The following MTUS1 variants were observed in gnomAD, a reference collection of about 807,000 sequenced individuals.
MTUS1 encodes the protein microtubule-associated tumor suppressor 1.
Under a neutral mutation model 120.8 loss-of-function variants are expected in MTUS1, and 109 were observed. The observed-to-expected ratio is 0.90, with a 90% CI of 0.77 to 1.06. The LOEUF is 1.06. Among genes scored for constraint, MTUS1 ranks in the 50% least tolerant of loss-of-function variants. The pLI is 0.00. For synonymous variants in MTUS1, 737 were observed against 550.5 expected (o/e 1.34, Z -4.74); for missense variants, 2,210 against 1,486.3 (o/e 1.49, Z -8.01).
intron 8 of MTUS1, among the ~76,000 whole-genome samples, chr8:17,662,690 A>G (rs1810021707): frequency 6.6e-6 from 1 of 151,950 alleles, no homozygotes; most frequent in Non-Finnish European, 1.5e-5. Flanking sequence ...CTATTTTTTA[A>G]AAAAGCACAT....
intron 1 of MTUS1, among the ~76,000 whole-genome samples, chr8:17,771,867 T>C (rs2050049326): frequency 1.3e-5 from 2 of 152,306 alleles, no homozygotes; most frequent in African/African-American, 4.8e-5. Context: ...AAAACTGAGA[T>C]CTAGAGAAAA....
chr8:17,668,914 T>C (rs1811456267), intron 8 of MTUS1, among the ~76,000 whole-genome samples: 4 of 152,332 alleles, frequency 2.6e-5, no homozygotes, highest in South Asian at 2.1e-4. Flanking sequence ...AAACGGTTTA[T>C]AGAAAAACAT....
At chr8:17,693,492 G>A (rs142874620) in intron 6 of MTUS1, among the ~76,000 whole-genome samples, 17 of 152,152 alleles carry the variant, frequency 1.1e-4, no homozygotes, top group African/African-American at 2.4e-4. Flanking sequence ...TATTCTGGCC[G>A]GATCTCTACA....
intron 6 of MTUS1, among the ~76,000 whole-genome samples, chr8:17,687,394 T>C (rs571821060): frequency 1.3e-5 from 2 of 152,182 alleles, no homozygotes; most frequent in Non-Finnish European, 2.9e-5. Context: ...TACTTCACAG[T>C]ACTGAAAAGC....
intron 3 of MTUS1, among the ~76,000 whole-genome samples, chr8:17,729,242 G>A (rs1400906472): frequency 1.3e-5 from 2 of 152,130 alleles, no homozygotes; most frequent in East Asian, 3.8e-4. Flanking sequence ...TGACAAACAA[G>A]TTAACAAGTT....
rs1805570369 is a variant in MTUS1, at chr8:17,645,376, G to A, written c.*550C>T. 1 of 152,400 alleles carries A rather than the reference G, an allele frequency of 6.6e-6. No homozygotes were observed. Among genetic ancestry groups the A allele is most frequent in the African/African-American group, 2.4e-5 (1 of 41,376 alleles). The allele number at this position is 152,400 out of a possible 1,614,324, so 9.4% of individuals were successfully genotyped here. A position where few individuals can be genotyped will look rare whatever the true frequency, so the allele number is the denominator to read the frequency against. ...TATTGCTTTTTCTTCTATGGCTTTG[G>A]CTGAAATGTATATGCTGATTGATTG... is the stretch of plus-strand genomic sequence containing the variant. On this transcript the variant is annotated 3_prime_UTR_variant, in exon 15 of 15. Coordinates refer to ENST00000693296, the MANE Select transcript of MTUS1 (RefSeq NM_001363059.2).
intron 3 of MTUS1, among the ~76,000 whole-genome samples, chr8:17,733,304 T>A (rs2046716570): frequency 6.6e-6 from 1 of 150,466 alleles, no homozygotes; most frequent in African/African-American, 2.5e-5. Flanking sequence ...TGAGCCAAGA[T>A]CATGCCATTG....
chr8:17,685,835 A>G (rs943982583), intron 6 of MTUS1, among the ~76,000 whole-genome samples: 5 of 152,196 alleles, frequency 3.3e-5, no homozygotes, highest in African/African-American at 1.2e-4. Flanking sequence ...TGATGAGAGG[A>G]AGTATTTATC....
At chr8:17,661,674 G>GGCC (rs57262372) in intron 8 of MTUS1, among the ~76,000 whole-genome samples, 1 of 151,550 alleles carries the variant, frequency 6.6e-6, no homozygotes, top group African/African-American at 2.4e-5. Flanking sequence ...CTGACGTTTT[G>GGCC]ATAAGTGAGG....
chr8:17,683,347 TTC>T (rs1815028996), intron 7 of MTUS1, among the ~76,000 whole-genome samples: 1 of 152,092 alleles, frequency 6.6e-6, no homozygotes, highest in East Asian at 1.9e-4. Flanking sequence ...TCTCATCCAC[TTC>T]TCTCTCTCCC....
chr8:17,767,317 T>G (rs1048037759), intron 1 of MTUS1, among the ~76,000 whole-genome samples: 3 of 151,836 alleles, frequency 2.0e-5, no homozygotes, highest in African/African-American at 4.8e-5. Context: ...GATAAGGAAT[T>G]TGGGGCCAAT....
At chr8:17,697,168 G>A in intron 6 of MTUS1, 6 of 1,452,642 alleles carry the variant, frequency 4.1e-6, no homozygotes, top group Non-Finnish European at 5.5e-6. Context: ...CCAATTATCT[G>A]TCTCCTTGGA....
intron 3 of MTUS1, among the ~76,000 whole-genome samples, chr8:17,742,300 T>G (rs867643624): frequency 1.2e-4 from 18 of 144,738 alleles, no homozygotes; most frequent in Admixed American, 4.1e-4. Flanking sequence ...TGTTTTTTTT[T>G]TTTTTTTTTT....
chr8:17,747,569 T>C lies in MTUS1; in HGVS notation c.2092-3770A>G, dbSNP rs573716176. Among the ~76,000 whole-genome samples, 10 of 152,322 alleles carry C rather than the reference T, an allele frequency of 6.6e-5. No homozygotes were observed. The South Asian group carries it at 2.1e-3, about 32-fold the overall frequency. ...ACCCACAGCCTAAAGTGAGAACTTC[T>C]AAACCTGTTTGCCCACTCTCTCCTA... On this transcript the variant is annotated intron_variant, in intron 2 of 14. Coordinates refer to ENST00000693296, the MANE Select transcript of MTUS1 (RefSeq NM_001363059.2).
At chr8:17,674,430 A>T in intron 8 of MTUS1, 1 of 971,372 alleles carries the variant, frequency 1.0e-6, no homozygotes, top group Non-Finnish European at 1.2e-6. Context: ...AAAAAAAAAG[A>T]AAAAGAAACA....
chr8:17,653,053 T>C, intron 12 of MTUS1, 133 bp downstream of exon 12: 1 of 604,664 alleles, frequency 1.7e-6, no homozygotes, highest in Non-Finnish European at 2.9e-6. Flanking sequence ...TTACACACCT[T>C]AGAAAGCACA....
At chr8:17,663,949 G>A (rs1167826374) in intron 8 of MTUS1, 1 of 152,218 alleles carries the variant, frequency 6.6e-6, no homozygotes, top group Non-Finnish European at 1.5e-5. Flanking sequence ...CCCTTCTCTA[G>A]AAGATGAAAT....
chr8:17,672,031 T>C (rs569765372), intron 8 of MTUS1, among the ~76,000 whole-genome samples: 1 of 152,268 alleles, frequency 6.6e-6, no homozygotes, highest in Admixed American at 6.5e-5. Context: ...TAGGAGTGGA[T>C]GGACAAAAAC....
chr8:17,692,576 G>A (rs765528269), intron 6 of MTUS1, among the ~76,000 whole-genome samples: 4 of 152,064 alleles, frequency 2.6e-5, no homozygotes, highest in Admixed American at 6.6e-5. Flanking sequence ...TTAAACAAAC[G>A]CATTCACATT....
Sources: gnomAD v4.1 joint callset for allele counts (sites outside exome capture counted in the v4.1 genomes callset) on GRCh38, gnomAD v4.1.1 for gene constraint, MANE v1.5 for transcripts, NCBI Gene and HGNC (gene_info 2026-07-23, HGNC 2026-07-21) for gene names.